SHLD1: variants seen among roughly 807,000 people sequenced by gnomAD.
The protein encoded by SHLD1 is shieldin complex subunit 1.
Under a neutral mutation model 5.5 loss-of-function variants are expected in SHLD1, and 3 were observed. The ratio of observed to expected loss-of-function variants is 0.54; its 90% CI spans 0.25 to 1.40. The LOEUF is 1.40. Ranked by LOEUF, SHLD1 falls within the 40% of genes most tolerant of loss-of-function variation. SHLD1 has a pLI of 0.15. For synonymous variants in SHLD1, 92 were observed against 94.3 expected (o/e 0.98, Z 0.14); for missense variants, 210 against 244.4 (o/e 0.86, Z 0.94).
At chr20:5,835,492 G>C (rs2087778526) in intron 2 of SHLD1, among the ~76,000 whole-genome samples, 1 of 152,204 alleles carries the variant, frequency 6.6e-6, no homozygotes, top group Non-Finnish European at 1.5e-5. Flanking sequence ...TGTGGTGGGG[G>C]CTGGCCAGCT....
chr20:5,788,010 T>C (rs1275887556), intron 2 of SHLD1, among the ~76,000 whole-genome samples: 10 of 152,210 alleles, frequency 6.6e-5, no homozygotes, highest in Admixed American at 1.3e-4. Context: ...CTACTGAGAA[T>C]AGAATGTTAT....
chr20:5,817,112 ATAT>A (rs2087540164), intron 2 of SHLD1, among the ~76,000 whole-genome samples: 2 of 152,278 alleles, frequency 1.3e-5, no homozygotes, highest in Admixed American at 1.3e-4. Flanking sequence ...GATATTTATA[ATAT>A]TAGCTGCTTT....
intron 2 of SHLD1, among the ~76,000 whole-genome samples, chr20:5,799,874 C>T (rs6053715): frequency 0.85 from 129,582 of 152,204 alleles, 55,402 homozygotes; most frequent in East Asian, 1. Context: ...TTGTCTTGGA[C>T]CCAGTTGTAT....
chr20:5,762,953 CAG>C (rs1227398279), intron 1 of SHLD1, among the ~76,000 whole-genome samples: 4 of 123,590 alleles, frequency 3.2e-5, no homozygotes, highest in Non-Finnish European at 4.8e-5. Context: ...AACCTGGTGA[CAG>C]AGTGAGACTC....
intron 2 of SHLD1, among the ~76,000 whole-genome samples, chr20:5,862,390 C>A (rs1457668292): frequency 6.6e-6 from 1 of 152,234 alleles, no homozygotes; most frequent in Non-Finnish European, 1.5e-5. Context: ...TCCTTGAGAA[C>A]CCAGACATCC....
At chr20:5,812,558 G>A (rs1418180469) in intron 2 of SHLD1, among the ~76,000 whole-genome samples, 1 of 152,184 alleles carries the variant, frequency 6.6e-6, no homozygotes. Flanking sequence ...GTCCTCAGGA[G>A]CTCAGTACAA....
At chr20:5,824,587 T>A (rs1028460346) in intron 2 of SHLD1, among the ~76,000 whole-genome samples, 1 of 151,854 alleles carries the variant, frequency 6.6e-6, no homozygotes, top group Non-Finnish European at 1.5e-5. Flanking sequence ...TTATTTCTCT[T>A]CTATGATCAT....
chr20:5,803,506 G>A (rs1360230527), intron 2 of SHLD1, among the ~76,000 whole-genome samples: 2 of 152,028 alleles, frequency 1.3e-5, no homozygotes, highest in Admixed American at 1.3e-4. Flanking sequence ...AAGAATGAAA[G>A]CTCTCCCAAA....
chr20:5,772,820 T>C, intron 1 of SHLD1, 42 bp from the exon 2 acceptor site: 1 of 1,534,438 alleles, frequency 6.5e-7, no homozygotes, highest in Admixed American at 2.0e-5. Flanking sequence ...TCCTGCTATG[T>C]GGTGCCTTTT....
chr20:5,824,617 T>C (rs538727761), intron 2 of SHLD1, among the ~76,000 whole-genome samples: 27 of 149,116 alleles, frequency 1.8e-4, no homozygotes, highest in South Asian at 6.4e-4. Flanking sequence ...ATGTTTTTGT[T>C]GTTGTTTGTT....
chr20:5,847,043 C>T (rs1296520764), intron 2 of SHLD1, among the ~76,000 whole-genome samples: 1 of 151,998 alleles, frequency 6.6e-6, no homozygotes, highest in Non-Finnish European at 1.5e-5. Flanking sequence ...ATCACCAGCA[C>T]TTGTTCTAAT....
At chr20:5,789,194 C>G (rs562144434) in intron 2 of SHLD1, among the ~76,000 whole-genome samples, 2 of 102,426 alleles carry the variant, frequency 2.0e-5, no homozygotes, top group Non-Finnish European at 3.7e-5. Flanking sequence ...ATACGTTTGC[C>G]AATAAAAGTT....
intron 2 of SHLD1, among the ~76,000 whole-genome samples, chr20:5,787,721 A>C (rs1426097611): frequency 6.6e-6 from 1 of 152,250 alleles, no homozygotes; most frequent in Non-Finnish European, 1.5e-5. Flanking sequence ...TGAAAAACAC[A>C]TATAAGTGAA....
intron 1 of SHLD1, chr20:5,764,960 T>C (rs918524425): frequency 6.6e-6 from 1 of 152,210 alleles, no homozygotes; most frequent in African/African-American, 2.4e-5. Context: ...AATAGAAGAA[T>C]GGCTGTCTCC....
chr20:5,839,523 A>AGATG (rs900375356), intron 2 of SHLD1, among the ~76,000 whole-genome samples: 2 of 151,702 alleles, frequency 1.3e-5, no homozygotes, highest in Non-Finnish European at 2.9e-5. Context: ...ATAGATAGAT[A>AGATG]GATGATAGAT....
chr20:5,862,183 G>C (rs539446021), intron 2 of SHLD1, among the ~76,000 whole-genome samples: 1 of 152,078 alleles, frequency 6.6e-6, no homozygotes, highest in African/African-American at 2.4e-5. Flanking sequence ...AATTTTTTGC[G>C]GACACAATTC....
At chr20:5,776,248 T>A (rs1405088999) in intron 2 of SHLD1, among the ~76,000 whole-genome samples, 1 of 152,018 alleles carries the variant, frequency 6.6e-6, no homozygotes, top group Admixed American at 6.6e-5. Context: ...CAGCTCAGGC[T>A]TTTATCACAA....
chr20:5,844,799 A>ATATATATT lies in SHLD1; in HGVS notation c.179-18224_179-18223insATATATTT, dbSNP rs1460082835. 2.3e-3 allele frequency among the ~76,000 whole-genome samples: 166 copies of ATATATATT among 71,692 alleles called. 1 individual carries two copies. The highest frequency in any genetic ancestry group is 0.02 in the East Asian group (54 of 2,678). The allele number at this position is 71,692 out of a possible 152,430, so 47.0% of individuals were successfully genotyped here. A position where few individuals can be genotyped will look rare whatever the true frequency, so the allele number is the denominator to read the frequency against. The stretch of plus-strand genomic sequence containing the variant: ...TATATATATATATATATATATATAT[A>ATATATATT]TTTTTTTTTTTTTGAGACACAGTCT... On this transcript the variant is annotated intron_variant, in intron 2 of 2. Coordinates refer to ENST00000303142, the MANE Select transcript of SHLD1 (RefSeq NM_152504.4).
At chr20:5,844,563 C>T (rs2087904030) in intron 2 of SHLD1, among the ~76,000 whole-genome samples, 1 of 152,074 alleles carries the variant, frequency 6.6e-6, no homozygotes, top group Non-Finnish European at 1.5e-5. Flanking sequence ...GTTTACTTTG[C>T]AGAGGGTGCA....
Sources: gnomAD v4.1 joint callset for allele counts (sites outside exome capture counted in the v4.1 genomes callset) on GRCh38, gnomAD v4.1.1 for gene constraint, MANE v1.5 for transcripts, NCBI Gene and HGNC (gene_info 2026-07-23, HGNC 2026-07-21) for gene names.